The following CLVS1 variants were observed in gnomAD, a reference collection of about 807,000 sequenced individuals.
CLVS1 encodes the protein clavesin 1, also known as clavesin-1.
CLVS1 carries 10 observed loss-of-function variants against 33.1 expected under a neutral mutation model. That is an observed-to-expected ratio of 0.30 (90% CI 0.19 to 0.51). CLVS1 has a LOEUF of 0.51. Ranked by LOEUF, CLVS1 falls within the 20% of genes least tolerant of loss-of-function variation. CLVS1 has a pLI of 0.97. For synonymous variants in CLVS1, 163 were observed against 166.1 expected, an observed-to-expected ratio of 0.98 and a Z score of 0.14; for missense variants, 343 against 433.4, an observed-to-expected ratio of 0.79 and a Z score of 1.85.
intron 5 of CLVS1, among the ~76,000 whole-genome samples, chr8:61,496,567 C>T (rs1804274883): frequency 6.6e-6 from 1 of 152,204 alleles, no homozygotes. Flanking sequence ...AGCTTCCTTC[C>T]TCTGCCCTAT....
chr8:61,339,552 A>G (rs1811937283), intron 2 of CLVS1, among the ~76,000 whole-genome samples: 2 of 152,258 alleles, frequency 1.3e-5, no homozygotes, highest in South Asian at 2.1e-4. Flanking sequence ...TGACAGAACC[A>G]ATTACTCACC....
intron 3 of CLVS1, among the ~76,000 whole-genome samples, chr8:61,417,210 A>G (rs1293441268): frequency 6.6e-6 from 1 of 152,170 alleles, no homozygotes; most frequent in African/African-American, 2.4e-5. Flanking sequence ...GAGAAAGACA[A>G]TGATCTCTAA....
chr8:61,395,583 A>G (rs1189789128), intron 3 of CLVS1, among the ~76,000 whole-genome samples: 1 of 152,184 alleles, frequency 6.6e-6, no homozygotes, highest in Non-Finnish European at 1.5e-5. Context: ...AATATACACA[A>G]TTATTGTCAA....
intron 3 of CLVS1, among the ~76,000 whole-genome samples, chr8:61,394,448 A>G (rs1326590293): frequency 6.6e-6 from 1 of 152,058 alleles, no homozygotes; most frequent in African/African-American, 2.4e-5. Flanking sequence ...AAAAACCATC[A>G]GGTCGGGGCA....
intron 2 of CLVS1, among the ~76,000 whole-genome samples, chr8:61,355,922 T>C (rs1812682941): frequency 6.6e-6 from 1 of 152,242 alleles, no homozygotes; most frequent in Admixed American, 6.5e-5. Flanking sequence ...CCTTTGGGTG[T>C]ATACCCAGTA....
the CLVS1 span, among the ~76,000 whole-genome samples, chr8:61,031,075 T>C: frequency 2.0e-5 from 3 of 152,196 alleles, no homozygotes; most frequent in East Asian, 5.8e-4. Flanking sequence ...CTGAGTACAT[T>C]GAAGCTATTA....
rs184347970 is a variant in CLVS1, at chr8:61,138,010, G to C, written c.-152+6150G>C. Among the ~76,000 whole-genome samples, 18 of 152,290 alleles carry C rather than the reference G, an allele frequency of 1.2e-4. No individual in the cohort carries two copies. The East Asian group carries it at 3.3e-3, about 28-fold the overall frequency. ...GAGCCAGGTACTGTGCTGGTTACAG[G>C]GGAAGGAAAGATGAATGAGATAGTC... On this transcript the variant is annotated intron_variant, in intron 2 of 2. Coordinates refer to the CLVS1 transcript ENST00000522621.
the CLVS1 span, among the ~76,000 whole-genome samples, chr8:61,008,927 G>A: frequency 6.6e-6 from 1 of 152,080 alleles, no homozygotes; most frequent in South Asian, 2.1e-4. Context: ...GTGATGGGGA[G>A]CATTTATTTA....
chr8:61,059,327 G>A (rs1219229275), intron 1 of CLVS1, among the ~76,000 whole-genome samples: 1 of 151,286 alleles, frequency 6.6e-6, no homozygotes, highest in Non-Finnish European at 1.5e-5. Flanking sequence ...TTTGTTATCT[G>A]TCTGTCTTTC....
chr8:61,031,967 A>G, the CLVS1 span, among the ~76,000 whole-genome samples: 1 of 152,242 alleles, frequency 6.6e-6, no homozygotes, highest in Non-Finnish European at 1.5e-5. Context: ...AAGGGAAAAA[A>G]TAAGATAAAA....
intron 3 of CLVS1, among the ~76,000 whole-genome samples, chr8:61,436,916 G>A (rs1369091831): frequency 6.6e-6 from 1 of 152,184 alleles, no homozygotes; most frequent in African/African-American, 2.4e-5. Flanking sequence ...TATAAAATAT[G>A]AGACTCAAAG....
At position 61,300,069 on chromosome 8, in the gene CLVS1, G is replaced by A. The variant is rs755864413; in HGVS notation, c.242G>A (p.Arg81Gln). 6.2e-7 allele frequency: 1 copy of A among 1,613,940 alleles called. No homozygotes were observed. The change falls in exon 2 of 6, where the codon CGA (arginine) becomes CAA (glutamine). Residue 81 changes from arginine to glutamine, a missense_variant. Arg to Gln is a conservative substitution (Grantham distance 43). This residue lies in a region of CLVS1 where 166 missense variants were observed against 244.0 expected (regional missense o/e 0.68). Coordinates refer to ENST00000325897, the MANE Select transcript of CLVS1 (RefSeq NM_173519.3). ...TDDAFILRFL[R>Q]ARKFHQADAF... ...GATGCCTTCATCCTGAGATTTCTCC[G>A]AGCCAGGAAGTTTCACCAAGCGGAT...
At chr8:60,982,980 C>G in the CLVS1 span, among the ~76,000 whole-genome samples, 1 of 152,210 alleles carries the variant, frequency 6.6e-6, no homozygotes, top group African/African-American at 2.4e-5. Flanking sequence ...GAATCATGCT[C>G]TGCCTACCCC....
At chr8:61,192,684 A>C (rs943501466) in intron 2 of CLVS1, among the ~76,000 whole-genome samples, 18 of 152,146 alleles carry the variant, frequency 1.2e-4, no homozygotes, top group Non-Finnish European at 2.5e-4. Flanking sequence ...AAAAAAACAA[A>C]CAACCCCATC....
intron 1 of CLVS1, among the ~76,000 whole-genome samples, chr8:61,091,776 C>A (rs1805254654): frequency 6.6e-6 from 1 of 152,226 alleles, no homozygotes; most frequent in East Asian, 1.9e-4. Flanking sequence ...AGGAAAAAAA[C>A]TAACAATGAC....
chr8:61,297,762 T>C (rs1810271245), intron 1 of CLVS1, among the ~76,000 whole-genome samples: 1 of 150,690 alleles, frequency 6.6e-6, no homozygotes, highest in Admixed American at 6.6e-5. Flanking sequence ...GAAGATGGAG[T>C]AGAGAGGGAC....
intron 2 of CLVS1, among the ~76,000 whole-genome samples, chr8:61,135,477 T>C (rs1291376186): frequency 6.6e-6 from 1 of 152,158 alleles, no homozygotes; most frequent in African/African-American, 2.4e-5. Context: ...TTTCCAGGCC[T>C]GTGGCTTCCG....
At chr8:61,183,161 G>C (rs1316160993) in intron 2 of CLVS1, among the ~76,000 whole-genome samples, 1 of 149,978 alleles carries the variant, frequency 6.7e-6, no homozygotes, top group Non-Finnish European at 1.5e-5. Flanking sequence ...GCGGAGGGGG[G>C]CAGGCACAAG....
intron 1 of CLVS1, among the ~76,000 whole-genome samples, chr8:61,096,062 A>T (rs2129285480): frequency 6.6e-6 from 1 of 152,352 alleles, no homozygotes; most frequent in Middle Eastern, 3.4e-3. Context: ...TATGACCTTG[A>T]GTATAATCAA....
Sources: allele counts gnomAD v4.1 joint callset (sites outside exome capture counted in the v4.1 genomes callset), GRCh38; gene constraint gnomAD v4.1.1; regional missense constraint gnomAD v4.1.1; transcripts MANE v1.5; gene names NCBI Gene and HGNC (gene_info 2026-07-23, HGNC 2026-07-21).